The following DNAAF9 variants were observed in gnomAD, a reference collection of about 807,000 sequenced individuals.
DNAAF9 encodes shulin.
DNAAF9 carries 90 observed loss-of-function variants against 167.0 expected under a neutral mutation model. The ratio of observed to expected loss-of-function variants is 0.54; its 90% CI spans 0.45 to 0.64. The LOEUF is 0.64. Among genes scored for constraint, DNAAF9 ranks in the 30% least tolerant of loss-of-function variants. DNAAF9 has a pLI of 0.00. For missense variants in DNAAF9, 1,315 were observed against 1,442.2 expected, an observed-to-expected ratio of 0.91 and a Z score of 1.43; for synonymous variants, 491 against 508.8, an observed-to-expected ratio of 0.96 and a Z score of 0.47.
intron 21 of DNAAF9, among the ~76,000 whole-genome samples, chr20:3,302,700 A>G (rs917252188): frequency 2.6e-5 from 4 of 152,214 alleles, no homozygotes; most frequent in Admixed American, 2.6e-4. Context: ...TACAGAATAG[A>G]TGATGTTCAT....
At chr20:3,298,233 A>G (rs1310233875) in intron 21 of DNAAF9, 58 bp from the exon 22 acceptor site, 9 of 1,394,756 alleles carry the variant, frequency 6.5e-6, no homozygotes, top group Non-Finnish European at 9.0e-6. Flanking sequence ...TACAGCACTC[A>G]CAACTACTGC....
chr20:3,372,873 T>C (rs2083529443), intron 6 of DNAAF9, among the ~76,000 whole-genome samples: 1 of 152,200 alleles, frequency 6.6e-6, no homozygotes, highest in African/African-American at 2.4e-5. Flanking sequence ...TGGCATATAG[T>C]AGGCACTCAG....
chr20:3,354,289 G>A (rs1002247529), intron 7 of DNAAF9, among the ~76,000 whole-genome samples: 3 of 152,238 alleles, frequency 2.0e-5, no homozygotes, highest in African/African-American at 7.2e-5. Flanking sequence ...ACTGTTGTAA[G>A]TAAGTGGAAC....
At chr20:3,263,220 C>T (rs1030874662) in intron 31 of DNAAF9, among the ~76,000 whole-genome samples, 6 of 151,862 alleles carry the variant, frequency 4.0e-5, no homozygotes, top group Admixed American at 1.3e-4. Flanking sequence ...GTGATCTGCC[C>T]GCCTCGGCAT....
Position 3,318,234 on chromosome 20 carries a change from C to CAAAA in DNAAF9, c.1468+51_1468+54dup, listed in dbSNP as rs59462924. 1.8e-3 allele frequency: 1,100 copies of CAAAA among 620,810 alleles called. 2 individuals are homozygous for CAAAA. The highest frequency in any genetic ancestry group is 2.1e-3 in the Non-Finnish European group (767 of 357,426). The allele number at this position is 620,810 out of a possible 1,614,324, so 38.5% of individuals were successfully genotyped here. On this transcript the variant is annotated intron_variant, in intron 17 of 36. Transcript: ENST00000252032. Reference sequence around the variant, plus strand: ...TGCCTTAGTTTATAGTTTATTTTGCCAAAAAAAAAAAAAAAAGGCTTAAGG... The same window carrying CAAAA: ...TGCCTTAGTTTATAGTTTATTTTGCCAAAAAAAAAAAAAAAAAAAAGGCTTAAGG...
intron 6 of DNAAF9, among the ~76,000 whole-genome samples, chr20:3,363,495 A>C (rs2083391390): frequency 1.3e-5 from 2 of 151,754 alleles, no homozygotes; most frequent in African/African-American, 4.8e-5. Context: ...ATAAAAACGA[A>C]AAAAAAGAAA....
In DNAAF9 at chr20:3,358,893, C is replaced by T. The variant is rs528419911; in HGVS notation, c.690+623G>A. ...ACCTGCCTAACCAGAGTACAGAGTC[C>T]TAAAGCTTTAGTTCTGTTTGTTGCC... On this transcript the variant is annotated intron_variant, in intron 7 of 36. Coordinates refer to ENST00000252032, the MANE Select transcript of DNAAF9 (RefSeq NM_001009984.3). Among the ~76,000 whole-genome samples the T allele has an allele frequency of 2.6e-5, 4 of 152,260 alleles. No individual in the cohort carries two copies. In the East Asian group the frequency reaches 7.7e-4, roughly 29 times the overall value.
chr20:3,366,301 C>T (rs180991539), intron 6 of DNAAF9, among the ~76,000 whole-genome samples: 201 of 152,302 alleles, frequency 1.3e-3, no homozygotes, highest in African/African-American at 4.4e-3. Context: ...CATTAATCCT[C>T]TTGTATACCT....
At chr20:3,295,478 C>CTT (rs33916484) in intron 23 of DNAAF9, 47,857 of 245,658 alleles carry the variant, frequency 0.19, 5,184 homozygotes, top group African/African-American at 0.38. Flanking sequence ...TGCGCCTGAC[C>CTT]TTTTTTTTTT....
intron 27 of DNAAF9, among the ~76,000 whole-genome samples, chr20:3,282,647 C>A (rs1292996802): frequency 6.6e-6 from 1 of 152,188 alleles, no homozygotes; most frequent in East Asian, 1.9e-4. Flanking sequence ...ATCTGACCCC[C>A]TATGGAGCAG....
At chr20:3,306,810 G>T (rs1365513509) in intron 20 of DNAAF9, 1 of 618,024 alleles carries the variant, frequency 1.6e-6, no homozygotes, top group Non-Finnish European at 2.0e-6. Context: ...AGCCCACAGA[G>T]CTCATCCCAG....
At chr20:3,351,060 A>G (rs1246258384) in intron 7 of DNAAF9, among the ~76,000 whole-genome samples, 2 of 152,234 alleles carry the variant, frequency 1.3e-5, no homozygotes, top group Non-Finnish European at 2.9e-5. Flanking sequence ...GATAAAGAAT[A>G]TAACACCCTG....
Position 3,336,808 on chromosome 20 carries a change from G to A in DNAAF9, c.981+3696C>T, listed in dbSNP as rs141575398. Reference sequence around the variant, plus strand: ...CTCAGGTAATCCGGCCTCCCAAAGTGCAGGGATTAAAGTTGTAAGCCACCG... The same window carrying A: ...CTCAGGTAATCCGGCCTCCCAAAGTACAGGGATTAAAGTTGTAAGCCACCG... On this transcript the variant is annotated intron_variant, in intron 10 of 36. Coordinates refer to ENST00000252032, the MANE Select transcript of DNAAF9 (RefSeq NM_001009984.3). Among the ~76,000 whole-genome samples, 30 of 151,796 alleles carry A rather than the reference G, an allele frequency of 2.0e-4. 1 individual carries two copies. Among genetic ancestry groups the A allele is most frequent in the Non-Finnish European group, 4.1e-4 (28 of 67,942 alleles).
intron 7 of DNAAF9, among the ~76,000 whole-genome samples, chr20:3,358,428 CG>C (rs2083317990): frequency 6.6e-6 from 1 of 152,020 alleles, no homozygotes; most frequent in South Asian, 2.1e-4. Flanking sequence ...GGATTACAGG[CG>C]CGTGCCATTG....
chr20:3,367,582 T>C (rs1444542370), intron 6 of DNAAF9, among the ~76,000 whole-genome samples: 1 of 152,190 alleles, frequency 6.6e-6, no homozygotes. Flanking sequence ...ATTGGCCTAA[T>C]TTCAATATTG....
At chr20:3,332,900 G>GGT (rs3082550) in intron 10 of DNAAF9, among the ~76,000 whole-genome samples, 29,799 of 146,738 alleles carry the variant, frequency 0.2, 3,252 homozygotes, top group Non-Finnish European at 0.23. Context: ...GTGTGCGTGT[G>GGT]GTGTGTGTGT....
At chr20:3,255,131 CCTCA>C in intron 35 of DNAAF9, 84 bp downstream of exon 35, 1 of 770,312 alleles carries the variant, frequency 1.3e-6, no homozygotes, top group Non-Finnish European at 2.2e-6. Context: ...ACAAACAGCT[CCTCA>C]CTCAGAGAAT....
intron 1 of DNAAF9, among the ~76,000 whole-genome samples, chr20:3,399,503 C>T (rs546092331): frequency 3.9e-5 from 6 of 152,244 alleles, no homozygotes; most frequent in South Asian, 2.1e-4. Context: ...CCACTGCGCC[C>T]GGCCTCCTTT....
intron 3 of DNAAF9, among the ~76,000 whole-genome samples, chr20:3,377,270 T>C (rs902049820): frequency 1.3e-5 from 2 of 152,174 alleles, no homozygotes; most frequent in Admixed American, 1.3e-4. Context: ...GGAAAAGACC[T>C]GGAAAGTGAA....
Sources: gnomAD v4.1 joint callset for allele counts (sites outside exome capture counted in the v4.1 genomes callset) on GRCh38, gnomAD v4.1.1 for gene constraint, MANE v1.5 for transcripts, NCBI Gene and HGNC (gene_info 2026-07-23, HGNC 2026-07-21) for gene names.